Variants in KDM4C observed in about 807,000 individuals in gnomAD.
The protein encoded by KDM4C is lysine demethylase 4C.
Under a neutral mutation model 129.3 loss-of-function variants are expected in KDM4C, and 81 were observed. The ratio of observed to expected loss-of-function variants is 0.63; its 90% CI spans 0.52 to 0.75. KDM4C has a LOEUF of 0.75. KDM4C is among the 30% of genes least tolerant of loss of function. KDM4C has a pLI of 0.00. For missense variants in KDM4C, 1,457 were observed against 1,304.0 expected (o/e 1.12, Z -1.81); for synonymous variants, 573 against 456.1 (o/e 1.26, Z -3.26).
At chr9:6,891,872 TA>T (rs1196311462) in intron 7 of KDM4C, among the ~76,000 whole-genome samples, 3 of 152,058 alleles carry the variant, frequency 2.0e-5, no homozygotes, top group African/African-American at 7.2e-5. Context: ...AAAAAGAAAA[TA>T]GGGGCATGGG....
chr9:6,951,938 C>G (rs1481408983), intron 8 of KDM4C, among the ~76,000 whole-genome samples: 2 of 151,624 alleles, frequency 1.3e-5, no homozygotes, highest in Non-Finnish European at 2.9e-5. Context: ...TTTTTTTTCT[C>G]TTTATGCCTT....
intron 17 of KDM4C, among the ~76,000 whole-genome samples, chr9:7,082,625 C>A (rs139168732): frequency 6.6e-6 from 1 of 152,146 alleles, no homozygotes; most frequent in Non-Finnish European, 1.5e-5. Context: ...TGCTTTGTTC[C>A]CTCAGCTGGC....
chr9:7,145,538 A>G (rs1203838071), intron 19 of KDM4C, among the ~76,000 whole-genome samples: 3 of 152,212 alleles, frequency 2.0e-5, no homozygotes, highest in African/African-American at 7.2e-5. Flanking sequence ...ACCCACAGCC[A>G]GACATCTCCT....
intron 12 of KDM4C, among the ~76,000 whole-genome samples, chr9:7,009,260 C>T (rs1163444002): frequency 6.6e-6 from 1 of 152,144 alleles, no homozygotes; most frequent in African/African-American, 2.4e-5. Flanking sequence ...AAAAGTTCCA[C>T]AGAGGGCTTC....
chr9:7,034,464 T>C (rs898117067), intron 15 of KDM4C, among the ~76,000 whole-genome samples: 9 of 152,248 alleles, frequency 5.9e-5, no homozygotes, highest in African/African-American at 2.2e-4. Context: ...GTGTTTAATT[T>C]TCTGTTCCTG....
chr9:6,722,468 A>T (rs972983933), intron 1 of KDM4C, among the ~76,000 whole-genome samples: 1 of 151,522 alleles, frequency 6.6e-6, no homozygotes, highest in Admixed American at 6.6e-5. Flanking sequence ...TGTTGAGCTC[A>T]GGAGTTTGAC....
At chr9:7,068,042 C>T (rs10976022) in intron 17 of KDM4C, among the ~76,000 whole-genome samples, 21,029 of 152,052 alleles carry the variant, frequency 0.14, 1,755 homozygotes, top group East Asian at 0.24. Context: ...GTGATCCACC[C>T]GCCTCGGCCT....
At chr9:7,071,500 TG>T (rs1375269737) in intron 17 of KDM4C, among the ~76,000 whole-genome samples, 1 of 152,192 alleles carries the variant, frequency 6.6e-6, no homozygotes, top group Non-Finnish European at 1.5e-5. Flanking sequence ...TATGGTCATG[TG>T]TTTTTCAGTA....
chr9:7,057,975 T>C (rs2132652487), intron 17 of KDM4C, among the ~76,000 whole-genome samples: 1 of 152,362 alleles, frequency 6.6e-6, no homozygotes, highest in Middle Eastern at 3.4e-3. Context: ...CCTTGCATGG[T>C]ACAGCTGGGA....
rs765137791 is a variant in KDM4C, at chr9:6,805,732, C to A, written c.278C>A (p.Ala93Glu). 6.2e-7 allele frequency: 1 copy of A among 1,613,920 alleles called. No individual in the cohort carries two copies. Among genetic ancestry groups the A allele is most frequent in the Admixed American group, 1.7e-5 (1 of 59,996 alleles). Residue 93 changes from alanine to glutamate, a missense_variant, in exon 3 of 22, where the codon GCG (alanine) becomes GAG (glutamate). Transcript: ENST00000381309. ...ACTCAGTACAACATCCAGAAAAAAG[C>A]GATGACTGTGAAGGAGTTCAGGCAG... ...LFTQYNIQKK[A>E]MTVKEFRQLA...
At chr9:6,797,118 A>G (rs1469576737) in intron 2 of KDM4C, among the ~76,000 whole-genome samples, 1 of 151,952 alleles carries the variant, frequency 6.6e-6, no homozygotes, top group Non-Finnish European at 1.5e-5. Flanking sequence ...CAGCCTCCCA[A>G]GTAGCTGGGA....
intron 15 of KDM4C, among the ~76,000 whole-genome samples, chr9:7,023,487 T>A (rs1204610189): frequency 6.6e-6 from 1 of 152,154 alleles, no homozygotes; most frequent in Non-Finnish European, 1.5e-5. Context: ...CTATAATGTC[T>A]CCTTTTTCAT....
chr9:6,784,194 T>A (rs1426494894), intron 1 of KDM4C, among the ~76,000 whole-genome samples: 1 of 152,150 alleles, frequency 6.6e-6, no homozygotes, highest in African/African-American at 2.4e-5. Context: ...CCCATTTTAC[T>A]GATGGGGAAG....
At chr9:6,900,462 A>G (rs1817203353) in intron 8 of KDM4C, among the ~76,000 whole-genome samples, 1 of 152,178 alleles carries the variant, frequency 6.6e-6, no homozygotes, top group African/African-American at 2.4e-5. Flanking sequence ...CAATTGGTTG[A>G]GTTTGGATTC....
At chr9:6,727,739 T>C (rs1232795526) in intron 1 of KDM4C, among the ~76,000 whole-genome samples, 1 of 144,166 alleles carries the variant, frequency 6.9e-6, no homozygotes, top group Non-Finnish European at 1.5e-5. Flanking sequence ...AATGGAGAGA[T>C]GAATCATTCT....
At chr9:7,056,566 G>A (rs1216902190) in intron 17 of KDM4C, among the ~76,000 whole-genome samples, 2 of 152,160 alleles carry the variant, frequency 1.3e-5, no homozygotes, top group African/African-American at 4.8e-5. Flanking sequence ...ATGTGTAAAT[G>A]CATGAAATGT....
chr9:6,957,926 T>G (rs1179195642), intron 8 of KDM4C, among the ~76,000 whole-genome samples: 2 of 152,090 alleles, frequency 1.3e-5, no homozygotes, highest in Non-Finnish European at 2.9e-5. Context: ...TAATAAACAG[T>G]GTTATCGAAA....
At position 6,805,760 on chromosome 9, in the gene KDM4C, G is replaced by A; in HGVS notation, c.306G>A (p.Leu102=). The change falls in exon 3 of 22, where the codon CTG becomes CTA. Residue 102 remains leucine (L), a synonymous_variant. Coordinates refer to ENST00000381309, the MANE Select transcript of KDM4C (RefSeq NM_015061.6). ...TGACTGTGAAGGAGTTCAGGCAGCT[G>A]GCCAACAGTGGCAAGTGAGTAGAAT... ...KAMTVKEFRQ[L]ANSGKYCTPR... is the part of the protein sequence containing the mutation. 6.2e-7 allele frequency: 1 copy of A among 1,611,400 alleles called. No homozygotes were observed. The highest frequency in any genetic ancestry group is 1.7e-5 in the Admixed American group (1 of 59,372).
chr9:7,069,749 TC>T (rs1832940475), intron 17 of KDM4C, among the ~76,000 whole-genome samples: 1 of 152,222 alleles, frequency 6.6e-6, no homozygotes, highest in Non-Finnish European at 1.5e-5. Flanking sequence ...GAAATGTGAC[TC>T]CCTAAATGGG....
Sources: gnomAD v4.1 joint callset for allele counts (sites outside exome capture counted in the v4.1 genomes callset) on GRCh38, gnomAD v4.1.1 for gene constraint, MANE v1.5 for transcripts, NCBI Gene and HGNC (gene_info 2026-07-23, HGNC 2026-07-21) for gene names.